FOXP1: variants seen among roughly 807,000 people sequenced by gnomAD.
FOXP1 encodes forkhead box protein P1.
In FOXP1, 15 loss-of-function variants were observed where a neutral mutation model predicts 98.2. The ratio of observed to expected loss-of-function variants is 0.15; its 90% CI spans 0.10 to 0.24. FOXP1 has a LOEUF of 0.24. FOXP1 is among the 10% of genes least tolerant of loss of function. The probability of loss-of-function intolerance (pLI) is 1.00; values close to 1 mark genes in which losing one functional copy is unlikely to be tolerated. For synonymous variants in FOXP1, 371 were observed against 314.5 expected, an observed-to-expected ratio of 1.18 and a Z score of -1.90; for missense variants, 633 against 848.5, an observed-to-expected ratio of 0.75 and a Z score of 3.15.
intron 20 of FOXP1, among the ~76,000 whole-genome samples, chr3:70,963,664 AAG>A (rs1337993076): frequency 1.3e-5 from 2 of 152,186 alleles, no homozygotes; most frequent in African/African-American, 4.8e-5. Context: ...CTGGGAACAC[AAG>A]AGTTTTAAAA....
At chr3:71,433,579 T>C (rs942873677) in intron 3 of FOXP1, among the ~76,000 whole-genome samples, 3 of 152,042 alleles carry the variant, frequency 2.0e-5, no homozygotes, top group Non-Finnish European at 4.4e-5. Context: ...GTCTGTAAAC[T>C]AAAATAAAAA....
intron 14 of FOXP1, among the ~76,000 whole-genome samples, chr3:70,980,573 T>C (rs964166280): frequency 1.3e-5 from 2 of 152,220 alleles, no homozygotes; most frequent in African/African-American, 4.8e-5. Context: ...CACACACTTG[T>C]ATGATTCTAG....
At chr3:71,566,031 C>G (rs1225745448) in intron 2 of FOXP1, among the ~76,000 whole-genome samples, 2 of 152,164 alleles carry the variant, frequency 1.3e-5, no homozygotes, top group Admixed American at 6.5e-5. Flanking sequence ...ACCAATTCTC[C>G]ACTCTATTGT....
At chr3:71,583,298 G>A (rs1305666571) in intron 1 of FOXP1, among the ~76,000 whole-genome samples, 5 of 152,002 alleles carry the variant, frequency 3.3e-5, no homozygotes, top group Admixed American at 2.6e-4. Context: ...CGCCGCCGGA[G>A]CTCCCTCCAC....
At chr3:71,508,758 AG>A (rs2042002412) in intron 2 of FOXP1, among the ~76,000 whole-genome samples, 1 of 152,198 alleles carries the variant, frequency 6.6e-6, no homozygotes, top group Admixed American at 6.5e-5. Context: ...CAACCTCCCA[AG>A]GGCTTAGGGC....
intron 3 of FOXP1, among the ~76,000 whole-genome samples, chr3:71,373,643 CTT>C (rs1169812072): frequency 3.9e-5 from 6 of 152,230 alleles, no homozygotes; most frequent in African/African-American, 7.2e-5. Context: ...TAATTTACTT[CTT>C]GTGTGGCTTT....
intron 6 of FOXP1, among the ~76,000 whole-genome samples, chr3:71,121,294 A>T (rs1201387453): frequency 1.3e-5 from 2 of 150,818 alleles, no homozygotes; most frequent in African/African-American, 4.9e-5. Context: ...ATTATGAGTA[A>T]CCTTTTTTAC....
intron 2 of FOXP1, among the ~76,000 whole-genome samples, chr3:71,554,533 C>T (rs924318664): frequency 1.3e-5 from 2 of 152,056 alleles, no homozygotes; most frequent in Non-Finnish European, 2.9e-5. Flanking sequence ...ATTCCGTGTA[C>T]TGGATGGAAA....
At chr3:71,569,190 C>T (rs534330641) in intron 2 of FOXP1, among the ~76,000 whole-genome samples, 98 of 152,164 alleles carry the variant, frequency 6.4e-4, no homozygotes, top group Non-Finnish European at 1.1e-3. Flanking sequence ...ACAGATGTCA[C>T]TAATGGGCAG....
chr3:70,980,039 C>CTTACAAATGCCCCA (rs2038542704), intron 14 of FOXP1, among the ~76,000 whole-genome samples: 1 of 152,250 alleles, frequency 6.6e-6, no homozygotes, highest in Middle Eastern at 3.4e-3. Flanking sequence ...TGGCACTGCC[C>CTTACAAATGCCCCA]TTACAAATGC....
intron 2 of FOXP1, among the ~76,000 whole-genome samples, chr3:71,519,156 G>C (rs1295098282): frequency 6.6e-6 from 1 of 152,248 alleles, no homozygotes; most frequent in Non-Finnish European, 1.5e-5. Flanking sequence ...CGAGGCAGGA[G>C]AATCACTGGA....
intron 4 of FOXP1, among the ~76,000 whole-genome samples, chr3:71,339,571 C>T (rs1219402695): frequency 6.6e-6 from 1 of 152,208 alleles, no homozygotes; most frequent in Non-Finnish European, 1.5e-5. Context: ...AAAAATTGGG[C>T]TCTAATTTTG....
intron 4 of FOXP1, among the ~76,000 whole-genome samples, chr3:71,352,000 C>A (rs2077814122): frequency 6.6e-6 from 1 of 152,166 alleles, no homozygotes; most frequent in Middle Eastern, 3.4e-3. Context: ...AAAAAGAAAG[C>A]ATTTGAAGAA....
chr3:71,074,589 T>A (rs1199286112), intron 7 of FOXP1, among the ~76,000 whole-genome samples: 1 of 152,114 alleles, frequency 6.6e-6, no homozygotes, highest in Non-Finnish European at 1.5e-5. Context: ...CTTGAATGAC[T>A]CCAAAACAAG....
intron 3 of FOXP1, among the ~76,000 whole-genome samples, chr3:71,406,922 T>C (rs1055352513): frequency 8.5e-5 from 13 of 152,084 alleles, no homozygotes; most frequent in Admixed American, 8.5e-4. Flanking sequence ...GCACAGTGCT[T>C]GGAGCACACC....
At chr3:70,979,304 A>AG (rs2038315011) in intron 14 of FOXP1, among the ~76,000 whole-genome samples, 4 of 121,626 alleles carry the variant, frequency 3.3e-5, no homozygotes, top group Admixed American at 9.3e-5. Context: ...AAAAAAAAAA[A>AG]AAAAAAAAAA....
intron 5 of FOXP1, among the ~76,000 whole-genome samples, chr3:71,199,296 GGTTTCACCA>G (rs2063506732): frequency 6.6e-6 from 1 of 151,628 alleles, no homozygotes; most frequent in African/African-American, 2.4e-5. Flanking sequence ...GTAGAGACAG[GGTTTCACCA>G]TATTGGCCAG....
At chr3:71,130,946 A>G in intron 6 of FOXP1, 1 of 1,235,786 alleles carries the variant, frequency 8.1e-7, no homozygotes, top group Non-Finnish European at 1.0e-6. Context: ...AGCCCTAGCC[A>G]AACACAGCTC....
At chr3:71,198,415 G>A in intron 5 of FOXP1, 23 bp from the exon 6 acceptor site, 1 of 945,680 alleles carries the variant, frequency 1.1e-6, no homozygotes, top group Non-Finnish European at 1.7e-6. Flanking sequence ...TTTCCAAGAT[G>A]GGGGGAGGGA....
Sources: allele counts gnomAD v4.1 joint callset (sites outside exome capture counted in the v4.1 genomes callset), GRCh38; gene constraint gnomAD v4.1.1; transcripts MANE v1.5; gene names NCBI Gene and HGNC (gene_info 2026-07-23, HGNC 2026-07-21).